Variants in DOCK7 observed in about 807,000 individuals in gnomAD.
The protein encoded by DOCK7 is dedicator of cytokinesis protein 7.
In DOCK7, 138 loss-of-function variants were observed where a neutral mutation model predicts 271.0. The ratio of observed to expected loss-of-function variants is 0.51; its 90% CI spans 0.44 to 0.59. DOCK7 has a LOEUF of 0.59. DOCK7 is among the 20% of genes least tolerant of loss of function. The probability of loss-of-function intolerance (pLI) is 0.00; values close to 1 mark genes in which losing one functional copy is unlikely to be tolerated. For synonymous variants in DOCK7, 823 were observed against 876.1 expected (o/e 0.94, Z 1.07); for missense variants, 2,066 against 2,592.4 (o/e 0.80, Z 4.41).
At chr1:62,665,628 C>A (rs1348249363) in intron 1 of DOCK7, among the ~76,000 whole-genome samples, 7 of 141,546 alleles carry the variant, frequency 4.9e-5, no homozygotes, top group Admixed American at 1.6e-4. Flanking sequence ...TCGCTTGAAT[C>A]CACGGAGGTT....
chr1:62,530,286 T>C (rs1197198986), intron 29 of DOCK7, among the ~76,000 whole-genome samples: 1 of 152,192 alleles, frequency 6.6e-6, no homozygotes, highest in Non-Finnish European at 1.5e-5. Flanking sequence ...CACAATTCCA[T>C]CTTTATAGCT....
At chr1:62,597,764 C>T (rs779071619) in intron 14 of DOCK7, 1 of 1,613,368 alleles carries the variant, frequency 6.2e-7, no homozygotes, top group South Asian at 1.1e-5. Context: ...AGACGAAGGG[C>T]CAAATTAATG....
chr1:62,539,260 G>A (rs1383306977), intron 27 of DOCK7, among the ~76,000 whole-genome samples: 1 of 152,132 alleles, frequency 6.6e-6, no homozygotes, highest in African/African-American at 2.4e-5. Context: ...CATTACTACT[G>A]ACTTGATAGT....
At chr1:62,590,675 CA>C (rs370825979) in intron 14 of DOCK7, among the ~76,000 whole-genome samples, 119 of 152,168 alleles carry the variant, frequency 7.8e-4, no homozygotes, top group African/African-American at 2.7e-3. Flanking sequence ...AATCTGCTCA[CA>C]AAGCACATGA....
At chr1:62,631,154 C>A in intron 11 of DOCK7, 86 bp downstream of exon 11, 3 of 1,262,302 alleles carry the variant, frequency 2.4e-6, no homozygotes, top group Non-Finnish European at 3.2e-6. Context: ...CACTGCCCTC[C>A]AGCCTAGGCC....
At chr1:62,585,433 A>C (rs1308675415) in intron 15 of DOCK7, among the ~76,000 whole-genome samples, 1 of 152,182 alleles carries the variant, frequency 6.6e-6, no homozygotes, top group African/African-American at 2.4e-5. Flanking sequence ...TAGCAATAGC[A>C]TATTTCTATT....
intron 33 of DOCK7, among the ~76,000 whole-genome samples, chr1:62,511,897 G>T (rs1423909098): frequency 6.6e-6 from 1 of 151,968 alleles, no homozygotes; most frequent in Non-Finnish European, 1.5e-5. Context: ...AGAAAACAAT[G>T]TCTATTAGTA....
At chr1:62,524,953 A>ATATATATATATATATATATATATATATG (rs1325570197) in intron 31 of DOCK7, among the ~76,000 whole-genome samples, 2 of 119,420 alleles carry the variant, frequency 1.7e-5, no homozygotes, top group Admixed American at 1.8e-4. Context: ...ATATATATAT[A>ATATATATATATATATATATATATATATG]TATTACTATA....
intron 48 of DOCK7, among the ~76,000 whole-genome samples, chr1:62,470,890 T>TA (rs1222164909): frequency 6.6e-6 from 1 of 152,058 alleles, no homozygotes; most frequent in Non-Finnish European, 1.5e-5. Context: ...TCTGTAAAGT[T>TA]ATACTGAGTG....
intron 48 of DOCK7, among the ~76,000 whole-genome samples, chr1:62,473,403 A>G (rs1248925911): frequency 6.6e-6 from 1 of 152,200 alleles, no homozygotes; most frequent in African/African-American, 2.4e-5. Flanking sequence ...AAATGATCTA[A>G]TAGTAGTTTC....
intron 12 of DOCK7, among the ~76,000 whole-genome samples, chr1:62,624,076 C>T (rs930845375): frequency 2.0e-5 from 3 of 152,126 alleles, no homozygotes; most frequent in Non-Finnish European, 2.9e-5. Flanking sequence ...CAGTTTGTTA[C>T]GCTAATACAA....
Position 62,561,679 on chromosome 1 carries a change from C to T in DOCK7, c.2137G>A (p.Val713Ile), listed in dbSNP as rs1253356860. Reference sequence around the variant, plus strand: ...TTAAAAACACCTTTGTGATTATCTACCCATTTCATGCCAGGTAGAGGAACC... The same window carrying T: ...TTAAAAACACCTTTGTGATTATCTATCCATTTCATGCCAGGTAGAGGAACC... Reference protein sequence around the residue: ...PEVPLPGMKWVDNHKGVFNVE... With the variant: ...PEVPLPGMKWIDNHKGVFNVE... Residue 713 changes from valine to isoleucine, a missense_variant, in exon 19 of 50, where the codon GTA (valine) becomes ATA (isoleucine). Transcript: ENST00000635253. 2 of 1,578,676 alleles carry T rather than the reference C, an allele frequency of 1.3e-6. No homozygotes were observed. The highest frequency in any genetic ancestry group is 1.7e-6 in the Non-Finnish European group (2 of 1,167,200).
intron 31 of DOCK7, among the ~76,000 whole-genome samples, chr1:62,515,486 C>T (rs773333916): frequency 6.6e-6 from 1 of 152,162 alleles, no homozygotes; most frequent in Non-Finnish European, 1.5e-5. Flanking sequence ...TTTCAAGTAC[C>T]TATTTTTTAG....
intron 2 of DOCK7, among the ~76,000 whole-genome samples, chr1:62,658,858 T>C (rs1355652573): frequency 6.6e-6 from 1 of 150,472 alleles, no homozygotes; most frequent in Non-Finnish European, 1.5e-5. Flanking sequence ...ATGGCTGAGG[T>C]GGGAGAATTA....
chr1:62,521,573 C>T (rs1325437309), intron 31 of DOCK7, among the ~76,000 whole-genome samples: 1 of 152,142 alleles, frequency 6.6e-6, no homozygotes, highest in Admixed American at 6.5e-5. Context: ...AAGTTTACAT[C>T]TACTACAGAT....
intron 48 of DOCK7, chr1:62,458,134 G>A (rs1645400099): frequency 5.6e-6 from 1 of 180,154 alleles, no homozygotes; most frequent in Non-Finnish European, 1.2e-5. Flanking sequence ...CAGGGCAACA[G>A]AGTGGGACTG....
At chr1:62,561,838 C>T (rs897110557) in intron 18 of DOCK7, 135 bp from the exon 19 acceptor site, 15 of 478,578 alleles carry the variant, frequency 3.1e-5, no homozygotes, top group Admixed American at 4.4e-5. Flanking sequence ...AAATTAAGAA[C>T]TTTTATATTT....
At chr1:62,668,820 G>C (rs901400084) in intron 1 of DOCK7, among the ~76,000 whole-genome samples, 3 of 151,798 alleles carry the variant, frequency 2.0e-5, no homozygotes, top group East Asian at 3.9e-4. Context: ...AGCTACTTGG[G>C]AGGCTGAAGC....
At chr1:62,540,164 T>C (rs1645482220) in intron 25 of DOCK7, among the ~76,000 whole-genome samples, 1 of 151,588 alleles carries the variant, frequency 6.6e-6, no homozygotes, top group Non-Finnish European at 1.5e-5. Context: ...AATTTCAACC[T>C]TTAAATTTTT....
Sources: gnomAD v4.1 joint callset for allele counts (sites outside exome capture counted in the v4.1 genomes callset) on GRCh38, gnomAD v4.1.1 for gene constraint, MANE v1.5 for transcripts, NCBI Gene and HGNC (gene_info 2026-07-23, HGNC 2026-07-21) for gene names.